The following LAMA2 variants were observed in gnomAD, a reference collection of about 807,000 sequenced individuals.
The protein encoded by LAMA2 is laminin subunit alpha-2.
In LAMA2, 269 loss-of-function variants were observed where a neutral mutation model predicts 364.8. The observed-to-expected ratio is 0.74, with a 90% CI of 0.67 to 0.82. The LOEUF (loss-of-function observed/expected upper bound fraction) is 0.82. Ranked by LOEUF, LAMA2 falls within the 40% of genes least tolerant of loss-of-function variation. LAMA2 has a pLI of 0.00. For synonymous variants in LAMA2, 1,379 were observed against 1,370.6 expected (o/e 1.01, Z -0.14); for missense variants, 3,807 against 3,873.2 (o/e 0.98, Z 0.45).
At chr6:128,966,807 G>A (rs756934048) in intron 1 of LAMA2, among the ~76,000 whole-genome samples, 28 of 152,142 alleles carry the variant, frequency 1.8e-4, no homozygotes, top group Non-Finnish European at 3.4e-4. Flanking sequence ...TCTTTAAAAT[G>A]AGCAAAGATG....
At chr6:129,508,239 A>T (rs1583931879) in intron 62 of LAMA2, among the ~76,000 whole-genome samples, 1 of 23,282 alleles carries the variant, frequency 4.3e-5, no homozygotes, top group South Asian at 1.8e-3. Flanking sequence ...TTAATTTTTA[A>T]TTTTTGTGGG....
intron 12 of LAMA2, among the ~76,000 whole-genome samples, chr6:129,205,530 ACACG>A (rs1782583873): frequency 1.3e-5 from 2 of 149,458 alleles, no homozygotes; most frequent in African/African-American, 2.5e-5. Flanking sequence ...ACACACACAC[ACACG>A]TGTGTGAAAT....
intron 1 of LAMA2, among the ~76,000 whole-genome samples, chr6:128,979,455 G>C (rs563807924): frequency 6.6e-6 from 1 of 152,124 alleles, no homozygotes. Context: ...GTCACAAGAA[G>C]AAAACAGCAA....
At chr6:129,272,384 A>T (rs1466091247) in intron 17 of LAMA2, among the ~76,000 whole-genome samples, 1 of 152,146 alleles carries the variant, frequency 6.6e-6, no homozygotes, top group African/African-American at 2.4e-5. Context: ...TGTGGGAAAG[A>T]CATAATTAAA....
chr6:128,986,520 T>C (rs1783248094), intron 1 of LAMA2, among the ~76,000 whole-genome samples: 1 of 152,166 alleles, frequency 6.6e-6, no homozygotes, highest in African/African-American at 2.4e-5. Flanking sequence ...TTCATTAATT[T>C]CATATTTGTA....
chr6:129,399,786 G>A lies in LAMA2; in HGVS notation c.5446-1438G>A, dbSNP rs1181009460. On this transcript the variant is annotated intron_variant, in intron 37 of 64. Transcript: ENST00000421865. ...TACCTGGCAACATACTGAATTGGTC[G>A]GTGAAGGGAAGGAAAGAAGGGTATG... 5.3e-5 allele frequency among the ~76,000 whole-genome samples: 8 copies of A among 152,058 alleles called. No individual in the cohort carries two copies. The South Asian group carries it at 6.2e-4, about 12-fold the overall frequency.
chr6:129,438,081 T>A (rs867061280), intron 41 of LAMA2, among the ~76,000 whole-genome samples: 3 of 151,730 alleles, frequency 2.0e-5, no homozygotes, highest in Admixed American at 2.0e-4. Flanking sequence ...GGACCCAATT[T>A]GTAAAAATAT....
intron 12 of LAMA2, among the ~76,000 whole-genome samples, chr6:129,215,163 C>T (rs997822581): frequency 2.0e-5 from 3 of 152,144 alleles, no homozygotes; most frequent in African/African-American, 7.2e-5. Context: ...GGCTTTGTTG[C>T]TCTGCCTGAG....
chr6:129,288,933 A>G (rs1226668878), intron 19 of LAMA2, among the ~76,000 whole-genome samples: 4 of 152,152 alleles, frequency 2.6e-5, no homozygotes, highest in African/African-American at 4.8e-5. Context: ...GACTCTTCCA[A>G]TTATTCAGGT....
At chr6:128,932,560 G>A (rs1277345664) in intron 1 of LAMA2, among the ~76,000 whole-genome samples, 2 of 152,132 alleles carry the variant, frequency 1.3e-5, no homozygotes, top group African/African-American at 2.4e-5. Flanking sequence ...AATTGATATG[G>A]AACATGAATA....
At position 129,170,337 on chromosome 6, in the gene LAMA2, C is replaced by T. The variant is rs563005724; in HGVS notation, c.1306+4662C>T. ...TTCCCTCTACACACTGCTTTGAATG[C>T]GTCCCAGAGATTCTGGTATGTTGTG... On this transcript the variant is annotated intron_variant, in intron 9 of 64. Coordinates refer to ENST00000421865, the MANE Select transcript of LAMA2 (RefSeq NM_000426.4). 6.3e-3 allele frequency among the ~76,000 whole-genome samples: 917 copies of T among 146,530 alleles called. 7 individuals are homozygous for T. The highest frequency in any genetic ancestry group is 0.021 in the African/African-American group (793 of 37,752).
chr6:128,938,138 A>G (rs1779942195), intron 1 of LAMA2, among the ~76,000 whole-genome samples: 1 of 151,984 alleles, frequency 6.6e-6, no homozygotes, highest in African/African-American at 2.4e-5. Context: ...TTACAACTTC[A>G]CCACTTACAA....
chr6:129,021,147 GTT>G (rs1785425294), intron 1 of LAMA2, among the ~76,000 whole-genome samples: 1 of 152,034 alleles, frequency 6.6e-6, no homozygotes. Context: ...AAATTCCAGT[GTT>G]TAACACAACC....
chr6:129,120,115 T>C (rs1261468655), intron 4 of LAMA2, among the ~76,000 whole-genome samples: 1 of 152,226 alleles, frequency 6.6e-6, no homozygotes, highest in Non-Finnish European at 1.5e-5. Flanking sequence ...CATTTTAAAG[T>C]TGCCAGAGCA....
intron 1 of LAMA2, among the ~76,000 whole-genome samples, chr6:128,992,388 G>A (rs1456013041): frequency 1.3e-5 from 2 of 152,124 alleles, no homozygotes; most frequent in Non-Finnish European, 2.9e-5. Context: ...GTGATCTCAA[G>A]ACTATCCCTC....
At chr6:129,251,864 G>A (rs1330782647) in intron 13 of LAMA2, among the ~76,000 whole-genome samples, 3 of 152,152 alleles carry the variant, frequency 2.0e-5, no homozygotes, top group Admixed American at 2.0e-4. Context: ...GAACCTGGGA[G>A]GCACAGGTGG....
At chr6:129,241,369 C>T (rs1167135425) in intron 12 of LAMA2, among the ~76,000 whole-genome samples, 1 of 152,118 alleles carries the variant, frequency 6.6e-6, no homozygotes, top group African/African-American at 2.4e-5. Flanking sequence ...TGAAATAAAC[C>T]ACTAGGTTTT....
intron 40 of LAMA2, among the ~76,000 whole-genome samples, chr6:129,405,728 A>G (rs6905843): frequency 0.5 from 76,265 of 151,996 alleles, 19,630 homozygotes; most frequent in African/African-American, 0.62. Context: ...TCAGTATAAT[A>G]TAGTTCTACT....
At chr6:129,486,340 T>C (rs1784581345) in intron 55 of LAMA2, 134 bp from the exon 56 acceptor site, 3 of 853,078 alleles carry the variant, frequency 3.5e-6, no homozygotes, top group Admixed American at 2.1e-5. Context: ...TTCAAAACCG[T>C]TTGAGAAAAT....
Sources: allele counts gnomAD v4.1 joint callset (sites outside exome capture counted in the v4.1 genomes callset), GRCh38; gene constraint gnomAD v4.1.1; transcripts MANE v1.5; gene names NCBI Gene and HGNC (gene_info 2026-07-23, HGNC 2026-07-21).